Variants in MSI2 observed in about 807,000 individuals in gnomAD.
MSI2 encodes the protein musashi RNA binding protein 2.
Under a neutral mutation model 45.6 loss-of-function variants are expected in MSI2, and 17 were observed. That is an observed-to-expected ratio of 0.37 (90% CI 0.26 to 0.56). The LOEUF is 0.56. Ranked by LOEUF, MSI2 falls within the 20% of genes least tolerant of loss-of-function variation. The probability of loss-of-function intolerance (pLI) is 0.77; values close to 1 mark genes in which losing one functional copy is unlikely to be tolerated. For missense variants in MSI2, 293 were observed against 444.2 expected, an observed-to-expected ratio of 0.66 and a Z score of 3.06; for synonymous variants, 156 against 158.2, an observed-to-expected ratio of 0.99 and a Z score of 0.11.
At chr17:57,492,626 T>G (rs942459129) in intron 6 of MSI2, among the ~76,000 whole-genome samples, 3 of 152,020 alleles carry the variant, frequency 2.0e-5, no homozygotes, top group Non-Finnish European at 4.4e-5. Flanking sequence ...TGTTTTTTTT[T>G]GAGACAGAGT....
intron 7 of MSI2, among the ~76,000 whole-genome samples, chr17:57,530,105 A>C (rs1482197471): frequency 1.3e-5 from 2 of 152,208 alleles, no homozygotes; most frequent in African/African-American, 4.8e-5. Flanking sequence ...GAGGTTCTTT[A>C]GGAGCAGACT....
At chr17:57,598,925 A>T (rs1905548187) in intron 8 of MSI2, among the ~76,000 whole-genome samples, 1 of 152,218 alleles carries the variant, frequency 6.6e-6, no homozygotes, top group Non-Finnish European at 1.5e-5. Context: ...GGCCTCCCAA[A>T]GTGCTGGGAT....
chr17:57,332,435 T>C (rs912342987), intron 5 of MSI2, among the ~76,000 whole-genome samples: 3 of 152,212 alleles, frequency 2.0e-5, no homozygotes, highest in Non-Finnish European at 4.4e-5. Context: ...GCCAGGAAGC[T>C]GAGAGTCCAG....
At chr17:57,695,980 G>A in the MSI2 span, among the ~76,000 whole-genome samples, 4 of 152,232 alleles carry the variant, frequency 2.6e-5, 1 homozygote, top group South Asian at 8.3e-4. Flanking sequence ...TCGGATCATG[G>A]TCCCACTCTT....
chr17:57,480,868 T>C (rs891296343), intron 6 of MSI2, among the ~76,000 whole-genome samples: 2 of 152,210 alleles, frequency 1.3e-5, no homozygotes, highest in South Asian at 4.1e-4. Context: ...AGAAGGTGAC[T>C]TTAGCCTTGG....
rs559269046 is a variant in MSI2 at position 57,280,568 on chromosome 17, C to T, written c.312+18376C>T. 6.6e-6 allele frequency among the ~76,000 whole-genome samples: 1 copy of T among 152,106 alleles called. No individual in the cohort carries two copies. The highest frequency in any genetic ancestry group is 2.1e-4 in the South Asian group (1 of 4,800). The stretch of plus-strand genomic sequence containing the variant: ...TTGATGTGAGCAGAGCCCCCAACCC[C>T]CACCTCCGTGAGATTGAGAGTGTTG... On this transcript the variant is annotated intron_variant, in intron 5 of 13. Transcript: ENST00000284073. This position sits in a 1 kb window ranked among gnomAD's most constrained non-coding sequence, Gnocchi z 4.2.
chr17:57,537,593 C>T (rs1371837994), intron 7 of MSI2, among the ~76,000 whole-genome samples: 5 of 152,298 alleles, frequency 3.3e-5, no homozygotes, highest in Middle Eastern at 3.4e-3. Context: ...CTGGCAACAT[C>T]GATCCAAGAC....
chr17:57,418,790 C>T (rs761531166), intron 6 of MSI2, among the ~76,000 whole-genome samples: 38 of 152,136 alleles, frequency 2.5e-4, no homozygotes, highest in Admixed American at 9.2e-4. Context: ...GTGGTAATCA[C>T]TTTTCTAAAA....
At chr17:57,464,726 G>T (rs1158708652) in intron 6 of MSI2, among the ~76,000 whole-genome samples, 1 of 152,180 alleles carries the variant, frequency 6.6e-6, no homozygotes, top group Non-Finnish European at 1.5e-5. Flanking sequence ...TTCCTGGTAG[G>T]CCACTCTGTT....
intron 6 of MSI2, chr17:57,449,411 A>G (rs1336693572): frequency 6.6e-6 from 1 of 152,144 alleles, no homozygotes; most frequent in Non-Finnish European, 1.5e-5. Flanking sequence ...TTGGTTGGTG[A>G]CCCAAGAAAT....
chr17:57,434,379 C>A (rs931943032), intron 6 of MSI2, among the ~76,000 whole-genome samples: 6 of 152,206 alleles, frequency 3.9e-5, no homozygotes, highest in African/African-American at 1.4e-4. Context: ...GGATTACAGG[C>A]ATGAGCCACC....
At chr17:57,383,379 G>A (rs1462433026) in intron 5 of MSI2, among the ~76,000 whole-genome samples, 1 of 152,222 alleles carries the variant, frequency 6.6e-6, no homozygotes, top group African/African-American at 2.4e-5. Flanking sequence ...TTTCTAGGCT[G>A]GGTGCGGTGG....
In MSI2 at chr17:57,529,163, C is replaced by T. The variant is rs1212822962; in HGVS notation, c.406-513C>T. On this transcript the variant is annotated intron_variant, in intron 6 of 13. Coordinates refer to ENST00000284073, the MANE Select transcript of MSI2 (RefSeq NM_138962.4). This position sits in a 1 kb window ranked among gnomAD's most constrained non-coding sequence, Gnocchi z 5.3. ...GAAAAAAAATACTCCAGGCCTGGAGCAGTGGCTCACACCTATAATCTCAGC... is the reference window on the plus strand; with the variant it reads ...GAAAAAAAATACTCCAGGCCTGGAGTAGTGGCTCACACCTATAATCTCAGC... Among the ~76,000 whole-genome samples, 1 of 152,140 alleles carries T rather than the reference C, an allele frequency of 6.6e-6. No homozygotes were observed.
intron 7 of MSI2, among the ~76,000 whole-genome samples, chr17:57,566,280 C>G: frequency 6.6e-6 from 1 of 152,154 alleles, no homozygotes; most frequent in East Asian, 1.9e-4. Context: ...TAAGTTAATT[C>G]CTCTTGGCAC....
At chr17:57,363,367 G>A (rs1253972546) in intron 5 of MSI2, among the ~76,000 whole-genome samples, 1 of 152,136 alleles carries the variant, frequency 6.6e-6, no homozygotes, top group Non-Finnish European at 1.5e-5. Flanking sequence ...GTCACAAGGG[G>A]GTGGGGAGCT....
Position 57,295,007 on chromosome 17 carries a change from CAG to C in MSI2, c.312+32820_312+32821del, listed in dbSNP as rs146736200. 2.1e-3 allele frequency among the ~76,000 whole-genome samples: 326 copies of C among 152,084 alleles called. 2 individuals are homozygous for C. The highest frequency in any genetic ancestry group is 3.4e-3 in the Middle Eastern group (1 of 294). ...CTAAAGGTGTTTCAGGACCACCGAG[CAG>C]AGAGTCGTTTCTGGGGAGAGCCAGG... is the stretch of plus-strand genomic sequence containing the variant. On this transcript the variant is annotated intron_variant, in intron 5 of 13. Coordinates refer to ENST00000284073, the MANE Select transcript of MSI2 (RefSeq NM_138962.4).
rs142999153 is a variant in MSI2, at chr17:57,588,417, C to T, written c.455-8451C>T. Among the ~76,000 whole-genome samples, 11 of 152,342 alleles carry T rather than the reference C, an allele frequency of 7.2e-5. 1 individual carries two copies. The East Asian group carries it at 1.3e-3, about 19-fold the overall frequency. ...TGAGAGCCAGTTTGCTGCAAAGAAA[C>T]TTCTAGCATCAAGTCTGGCATCCCA... On this transcript the variant is annotated intron_variant, in intron 7 of 13. Transcript: ENST00000284073.
intron 6 of MSI2, among the ~76,000 whole-genome samples, chr17:57,447,452 TA>T (rs932565800): frequency 1.3e-5 from 2 of 152,114 alleles, no homozygotes; most frequent in African/African-American, 4.8e-5. Context: ...GGCCCCTGGA[TA>T]GGGGGGACCA....
chr17:57,376,248 A>C (rs1982270), intron 5 of MSI2, among the ~76,000 whole-genome samples: 101,377 of 152,078 alleles, frequency 0.67, 35,596 homozygotes, highest in South Asian at 0.82. Flanking sequence ...CCCTGGAGAA[A>C]AGGTATACAA....
Sources: allele counts gnomAD v4.1 joint callset (sites outside exome capture counted in the v4.1 genomes callset), GRCh38; gene constraint gnomAD v4.1.1; non-coding constraint Gnocchi (gnomAD v3.1); transcripts MANE v1.5; gene names NCBI Gene and HGNC (gene_info 2026-07-23, HGNC 2026-07-21).